Variants in GREM1 observed in about 807,000 individuals in gnomAD.
GREM1 encodes the protein gremlin-1.
Under a neutral mutation model 13.1 loss-of-function variants are expected in GREM1, and 6 were observed. That is an observed-to-expected ratio of 0.46 (90% confidence interval 0.25 to 0.91). The LOEUF (loss-of-function observed/expected upper bound fraction) is 0.91, where lower values mean the gene tolerates loss of function less well. Ranked by LOEUF, GREM1 falls within the 40% of genes least tolerant of loss-of-function variation. The pLI, the probability that GREM1 is intolerant of heterozygous loss-of-function variation, is 0.18. For synonymous variants in GREM1, 98 were observed against 93.7 expected (o/e 1.05, Z -0.27); for missense variants, 185 against 233.9 (o/e 0.79, Z 1.36).
At position 32,737,484 on chromosome 15, in the gene GREM1, A is replaced by G. The variant is rs1296100139; in HGVS notation, c.*6239A>G. 1.3e-5 allele frequency: 2 copies of G among 152,232 alleles called. No individual in the cohort carries two copies. Among genetic ancestry groups the G allele is most frequent in the Non-Finnish European group, 2.9e-5 (2 of 68,040 alleles). 9.4% of individuals were successfully genotyped at this position (152,232 alleles called of 1,614,324 possible). The stretch of plus-strand genomic sequence containing the variant: ...TTTAACCATCAGTGTAATGCATCAT[A>G]TTAATAGAATAAAGACAGAAACCAC... On this transcript the variant is annotated 3_prime_UTR_variant, in exon 2 of 2. Transcript: ENST00000651154.
Position 32,731,258 on chromosome 15 carries a change from T to C in GREM1, c.*13T>C, listed in dbSNP as rs764973719. 2.5e-6 allele frequency: 4 copies of C among 1,601,636 alleles called. No homozygotes were observed. The highest frequency in any genetic ancestry group is 3.4e-6 in the Non-Finnish European group (4 of 1,171,450). ...CGATTTGGATTAAGCCAAATCCAGG[T>C]GCACCCAGCATGTCCTAGGAATGCA... On this transcript the variant is annotated 3_prime_UTR_variant, in exon 2 of 2. Coordinates refer to ENST00000651154, the MANE Select transcript of GREM1 (RefSeq NM_013372.7).
chr15:32,718,317 G>T, intron 1 of GREM1, 156 bp downstream of exon 1: 3 of 578,036 alleles, frequency 5.2e-6, no homozygotes, highest in Middle Eastern at 2.8e-4. Context: ...ACCATCGCGG[G>T]GTCCTTCCTG....
intron 1 of GREM1, among the ~76,000 whole-genome samples, chr15:32,724,114 T>A (rs574929739): frequency 6.6e-6 from 1 of 152,344 alleles, no homozygotes; most frequent in Middle Eastern, 3.4e-3. Context: ...TAAGCCCTCA[T>A]CAACTGTCAG....
chr15:32,730,727 C>T lies in GREM1; in HGVS notation c.37C>T (p.Leu13Phe). The stretch of plus-strand genomic sequence containing the variant: ...AGCCTACACGGTGGGAGCCCTGCTT[C>T]TCCTCTTGGGGACCCTGCTGCCGGC... The part of the protein sequence containing the change: ...RTAYTVGALL[L>F]LLGTLLPAAE... The change falls in exon 2 of 2, where the codon CTC becomes TTC. Residue 13 changes from leucine (L) to phenylalanine (F), a missense_variant. Transcript: ENST00000651154. The T allele has an allele frequency of 6.3e-7, 1 of 1,585,680 alleles. No individual in the cohort carries two copies. The highest frequency in any genetic ancestry group is 8.6e-7 in the Non-Finnish European group (1 of 1,168,822).
chr15:32,740,818 C>T lies in GREM1; in HGVS notation c.*9573C>T, dbSNP rs2055754583. ...CCTAGAGAAAGAAAAATATCTTTCT[C>T]CCAGCCTCCATATTCAAATCTTAAG... On this transcript the variant is annotated 3_prime_UTR_variant, in exon 2 of 2. Coordinates refer to ENST00000651154, the MANE Select transcript of GREM1 (RefSeq NM_013372.7). 6.6e-6 allele frequency: 1 copy of T among 152,136 alleles called. No individual in the cohort carries two copies. Among genetic ancestry groups the T allele is most frequent in the Admixed American group, 6.5e-5 (1 of 15,274 alleles). The allele number at this position is 152,136 out of a possible 1,614,324, so 9.4% of individuals were successfully genotyped here.
At position 32,743,543 on chromosome 15, in the gene GREM1, T is replaced by C. The variant is rs963580290; in HGVS notation, c.*12298T>C. 2 of 152,252 alleles carry C rather than the reference T, an allele frequency of 1.3e-5. No homozygotes were observed. Among genetic ancestry groups the C allele is most frequent in the African/African-American group, 4.8e-5 (2 of 41,458 alleles). 9.4% of individuals were successfully genotyped at this position (152,252 alleles called of 1,614,324 possible). Reference sequence around the variant, plus strand: ...ATCTCATGCATTTCTGATATAGATATAGGAGTGACTAATCTGGGTGGTTCT... The same window carrying C: ...ATCTCATGCATTTCTGATATAGATACAGGAGTGACTAATCTGGGTGGTTCT... On this transcript the variant is annotated 3_prime_UTR_variant, in exon 2 of 2. Coordinates refer to ENST00000651154, the MANE Select transcript of GREM1 (RefSeq NM_013372.7).
chr15:32,721,857 T>C (rs1027356202), intron 1 of GREM1, among the ~76,000 whole-genome samples: 2 of 152,238 alleles, frequency 1.3e-5, no homozygotes, highest in African/African-American at 4.8e-5. Flanking sequence ...CATTTAATAA[T>C]TTATTACTTT....
At chr15:32,719,187 T>A (rs1323165002) in intron 1 of GREM1, among the ~76,000 whole-genome samples, 1 of 152,160 alleles carries the variant, frequency 6.6e-6, no homozygotes, top group African/African-American at 2.4e-5. Flanking sequence ...GTGGGAGGTA[T>A]ATTGGGGCTG....
chr15:32,733,173 G>C lies in GREM1; in HGVS notation c.*1928G>C. ...AGGCGAATTTGTCCAAACACATAGT[G>C]TGTGTGTTTTGTATACACTGTATGA... On this transcript the variant is annotated 3_prime_UTR_variant, in exon 2 of 2. Coordinates refer to ENST00000651154, the MANE Select transcript of GREM1 (RefSeq NM_013372.7). The C allele has an allele frequency of 4.4e-6, 1 of 228,682 alleles. No homozygotes were observed. Among genetic ancestry groups the C allele is most frequent in the Non-Finnish European group, 9.4e-6 (1 of 105,960 alleles). The allele number at this position is 228,682 out of a possible 1,614,324, so 14.2% of individuals were successfully genotyped here.
Position 32,718,156 on chromosome 15 carries a change from T to A in GREM1, c.-7T>A. 7.5e-7 allele frequency: 1 copy of A among 1,328,310 alleles called. No homozygotes were observed. Among genetic ancestry groups the A allele is most frequent in the Non-Finnish European group, 9.9e-7 (1 of 1,011,432 alleles). The allele number at this position is 1,328,310 out of a possible 1,614,324, so 82.3% of individuals were successfully genotyped here. On this transcript the variant is annotated 5_prime_UTR_variant, in exon 1 of 2. Coordinates refer to ENST00000651154, the MANE Select transcript of GREM1 (RefSeq NM_013372.7). ...CGCAGGCCCCGAGGACCCGCCGCAC[T>A]GACAGGTGAGCGCGGACGCACCCGG...
intron 1 of GREM1, among the ~76,000 whole-genome samples, chr15:32,722,768 A>G (rs2055430119): frequency 6.6e-6 from 1 of 152,192 alleles, no homozygotes; most frequent in Non-Finnish European, 1.5e-5. Flanking sequence ...GGAATGAAAG[A>G]GAGGATAGAG....
At chr15:32,729,079 A>C (rs1412069882) in intron 1 of GREM1, among the ~76,000 whole-genome samples, 3 of 150,410 alleles carry the variant, frequency 2.0e-5, no homozygotes, top group Non-Finnish European at 2.9e-5. Flanking sequence ...GCTGGAGTGC[A>C]GTGGCGCGAT....
Position 32,730,878 on chromosome 15 carries a change from G to A in GREM1, c.188G>A (p.Gly63Glu). 1 of 1,613,518 alleles carries A rather than the reference G, an allele frequency of 6.2e-7. No homozygotes were observed. The highest frequency in any genetic ancestry group is 2.2e-5 in the East Asian group (1 of 44,876). The change falls in exon 2 of 2, where the codon GGG becomes GAG. Residue 63 changes from glycine (G) to glutamate (E), a missense_variant. By Grantham distance (98) the Gly-to-Glu change is moderately conservative. Coordinates refer to ENST00000651154, the MANE Select transcript of GREM1 (RefSeq NM_013372.7). ...TCCAGGAACCGGGGGCGGGGCCAAG[G>A]GCGGGGCACTGCCATGCCCGGGGAG... is the stretch of plus-strand genomic sequence containing the variant. ...PGSRNRGRGQGRGTAMPGEEV... is the reference protein window; with the variant it reads ...PGSRNRGRGQERGTAMPGEEV...
At chr15:32,727,329 G>C (rs555318249) in intron 1 of GREM1, among the ~76,000 whole-genome samples, 1 of 152,276 alleles carries the variant, frequency 6.6e-6, no homozygotes, top group South Asian at 2.1e-4. Flanking sequence ...GGGATGCAAG[G>C]CTGGTTCAAC....
chr15:32,721,345 C>A (rs1567108010), intron 1 of GREM1, among the ~76,000 whole-genome samples: 1 of 152,044 alleles, frequency 6.6e-6, no homozygotes, highest in East Asian at 1.9e-4. Context: ...CAGCATAATG[C>A]CTGGCACAGT....
rs1255357345 is a variant in GREM1, at chr15:32,738,081, G to A, written c.*6836G>A. On this transcript the variant is annotated 3_prime_UTR_variant, in exon 2 of 2. Coordinates refer to ENST00000651154, the MANE Select transcript of GREM1 (RefSeq NM_013372.7). ...CTGGAGGTTCTACCTAGGGTAATTA[G>A]GCAAAAAAAAAAAAAAAAAAAAAAA... 1.6e-3 allele frequency: 37 copies of A among 22,444 alleles called. No homozygotes were observed. The highest frequency in any genetic ancestry group is 2.5e-3 in the Non-Finnish European group (30 of 11,796). The allele number at this position is 22,444 out of a possible 1,614,324, so 1.4% of individuals were successfully genotyped here.
In GREM1 at chr15:32,731,233, C is replaced by T. The variant is rs774688129; in HGVS notation, c.543C>T (p.Ile181=). ...TRVKQCRCIS[I]DLD Reference sequence around the variant, plus strand: ...TGAAGCAGTGTCGTTGCATATCCATCGATTTGGATTAAGCCAAATCCAGGT... The same window carrying T: ...TGAAGCAGTGTCGTTGCATATCCATTGATTTGGATTAAGCCAAATCCAGGT... The change falls in exon 2 of 2, where the codon ATC becomes ATT. Residue 181 remains isoleucine, a synonymous_variant. Coordinates refer to ENST00000651154, the MANE Select transcript of GREM1 (RefSeq NM_013372.7). The T allele has an allele frequency of 2.5e-6, 4 of 1,612,908 alleles. No individual in the cohort carries two copies. The highest frequency in any genetic ancestry group is 1.1e-5 in the South Asian group (1 of 90,908).
chr15:32,722,877 G>T lies in GREM1; in HGVS notation c.-2+4716G>T, dbSNP rs374138540. ...TAACATCACATTTCTTGAAGAAGCTGAACTGCATTGATGGGAAGTTGAGGC... is the reference window on the plus strand; with the variant it reads ...TAACATCACATTTCTTGAAGAAGCTTAACTGCATTGATGGGAAGTTGAGGC... On this transcript the variant is annotated intron_variant, in intron 1 of 1. Transcript: ENST00000651154. Among the ~76,000 whole-genome samples, 8 of 152,296 alleles carry T rather than the reference G, an allele frequency of 5.3e-5. No individual in the cohort carries two copies. In the East Asian group the frequency reaches 1.5e-3, roughly 29 times the overall value.
Position 32,735,471 on chromosome 15 carries a change from C to T in GREM1, c.*4226C>T, listed in dbSNP as rs1185879881. 4 of 152,266 alleles carry T rather than the reference C, an allele frequency of 2.6e-5. No individual in the cohort carries two copies. In the South Asian group the frequency reaches 6.2e-4, roughly 24 times the overall value. 9.4% of individuals were successfully genotyped at this position (152,266 alleles called of 1,614,324 possible). On this transcript the variant is annotated 3_prime_UTR_variant, in exon 2 of 2. Transcript: ENST00000651154. The stretch of plus-strand genomic sequence containing the variant: ...ATGCAAAACTGTGAGCAACTTTTAT[C>T]GGTTTGTTCTTTTAAGAACATAACA...
Sources: allele counts gnomAD v4.1 joint callset (sites outside exome capture counted in the v4.1 genomes callset), GRCh38; gene constraint gnomAD v4.1.1; transcripts MANE v1.5; gene names NCBI Gene and HGNC (gene_info 2026-07-23, HGNC 2026-07-21).